Variants in EXOC4 observed in about 807,000 individuals in gnomAD.
The protein encoded by EXOC4 is exocyst complex component 4.
Under a neutral mutation model 107.2 loss-of-function variants are expected in EXOC4, and 71 were observed. The observed-to-expected ratio is 0.66, with a 90% confidence interval of 0.55 to 0.81. The LOEUF is 0.81. Ranked by LOEUF, EXOC4 falls within the 30% of genes least tolerant of loss-of-function variation. EXOC4 has a pLI of 0.00. For missense variants in EXOC4, 1,108 were observed against 1,189.6 expected (o/e 0.93, Z 1.01); for synonymous variants, 456 against 441.2 (o/e 1.03, Z -0.42).
intron 10 of EXOC4, among the ~76,000 whole-genome samples, chr7:133,677,850 G>A (rs542075017): frequency 6.6e-6 from 1 of 151,886 alleles, no homozygotes; most frequent in South Asian, 2.1e-4. Context: ...ATTTTAATTG[G>A]TTATTATTGG....
intron 10 of EXOC4, chr7:133,733,081 C>T (rs761854041): frequency 3.1e-5 from 6 of 193,972 alleles, no homozygotes; most frequent in African/African-American, 9.4e-5. Flanking sequence ...ACTTCAAACA[C>T]GCAAACCCTT....
intron 11 of EXOC4, among the ~76,000 whole-genome samples, chr7:133,857,860 G>A (rs562919298): frequency 2.8e-4 from 43 of 152,090 alleles, no homozygotes; most frequent in Non-Finnish European, 4.3e-4. Context: ...ACAGCTCGGC[G>A]GATCGGGCGT....
chr7:133,272,789 C>T (rs142712203), intron 1 of EXOC4, among the ~76,000 whole-genome samples: 468 of 152,202 alleles, frequency 3.1e-3, no homozygotes, highest in African/African-American at 0.011. Flanking sequence ...GCCCAATTTC[C>T]TCTCTAATCT....
intron 10 of EXOC4, among the ~76,000 whole-genome samples, chr7:133,816,881 G>A (rs553590854): frequency 3.3e-5 from 5 of 152,216 alleles, no homozygotes; most frequent in East Asian, 1.9e-4. Flanking sequence ...CCTGCTGTGC[G>A]GTCTGGTTCC....
chr7:134,034,990 A>G (rs567965515), intron 17 of EXOC4, among the ~76,000 whole-genome samples: 43 of 151,316 alleles, frequency 2.8e-4, no homozygotes, highest in African/African-American at 8.7e-4. Flanking sequence ...AGACAGAAAT[A>G]TGGTTTGGGG....
the EXOC4 span, among the ~76,000 whole-genome samples, chr7:134,071,625 T>C: frequency 6.6e-6 from 1 of 152,218 alleles, no homozygotes; most frequent in Admixed American, 6.5e-5. Context: ...TTCTTGGGTG[T>C]ATGCCCTTCT....
At chr7:133,269,910 A>G (rs1013474008) in intron 1 of EXOC4, among the ~76,000 whole-genome samples, 2 of 152,082 alleles carry the variant, frequency 1.3e-5, no homozygotes, top group Non-Finnish European at 2.9e-5. Flanking sequence ...AAAAAACTCC[A>G]TCTCTTTATC....
intron 10 of EXOC4, among the ~76,000 whole-genome samples, chr7:133,631,984 C>T (rs1027941233): frequency 2.4e-4 from 36 of 152,010 alleles, no homozygotes; most frequent in Non-Finnish European, 4.7e-4. Context: ...AACTATTAAC[C>T]GTGTTGTCAG....
intron 7 of EXOC4, among the ~76,000 whole-genome samples, chr7:133,432,448 G>T (rs1274227868): frequency 1.3e-5 from 2 of 152,088 alleles, no homozygotes; most frequent in Admixed American, 6.5e-5. Context: ...TGAACCTGGG[G>T]TTCATTGGAC....
chr7:133,692,312 T>A (rs1210322192), intron 10 of EXOC4, among the ~76,000 whole-genome samples: 1 of 151,896 alleles, frequency 6.6e-6, no homozygotes, highest in Non-Finnish European at 1.5e-5. Context: ...TAAAAAAAAA[T>A]AGTTTTTACT....
intron 9 of EXOC4, chr7:133,481,206 T>C (rs1799148838): frequency 6.6e-6 from 1 of 151,846 alleles, no homozygotes; most frequent in African/African-American, 2.4e-5. Flanking sequence ...TGTGTGTGCA[T>C]ATATACATAC....
chr7:134,039,286 A>C (rs1210833954), intron 17 of EXOC4, among the ~76,000 whole-genome samples: 3 of 152,146 alleles, frequency 2.0e-5, no homozygotes, highest in Non-Finnish European at 4.4e-5. Flanking sequence ...GGGAGTGCAT[A>C]ATAAACCTTG....
chr7:133,347,539 G>A (rs1055608140), intron 5 of EXOC4, among the ~76,000 whole-genome samples: 7 of 152,172 alleles, frequency 4.6e-5, no homozygotes, highest in Non-Finnish European at 1.0e-4. Context: ...ACCACACCCA[G>A]CCTGTAAACT....
intron 1 of EXOC4, among the ~76,000 whole-genome samples, chr7:133,259,523 G>T (rs976546102): frequency 6.6e-6 from 1 of 151,780 alleles, no homozygotes; most frequent in Non-Finnish European, 1.5e-5. Context: ...CACCGTCCCC[G>T]GCCCACTTGT....
chr7:133,561,450 G>A (rs1317712607), intron 9 of EXOC4, among the ~76,000 whole-genome samples: 1 of 151,944 alleles, frequency 6.6e-6, no homozygotes, highest in Non-Finnish European at 1.5e-5. Context: ...TATTTGCCTG[G>A]CACTTATACA....
chr7:133,681,566 T>C (rs1464666325), intron 10 of EXOC4, among the ~76,000 whole-genome samples: 1 of 152,186 alleles, frequency 6.6e-6, no homozygotes, highest in Non-Finnish European at 1.5e-5. Flanking sequence ...TCAGTCTTCC[T>C]ACCATAGTTT....
At chr7:134,065,793 T>A (rs1470911714), downstream of EXOC4, 1 of 152,216 alleles carries the variant, frequency 6.6e-6, no homozygotes, top group African/African-American at 2.4e-5. Context: ...TGTTCTTTAT[T>A]CAGCAAATAT....
chr7:133,717,030 A>G (rs1795011842), intron 10 of EXOC4, among the ~76,000 whole-genome samples: 1 of 152,242 alleles, frequency 6.6e-6, no homozygotes, highest in African/African-American at 2.4e-5. Flanking sequence ...GAGCTCAACT[A>G]TAAATTAAGA....
chr7:133,632,000 A>G lies in EXOC4; in HGVS notation c.1514+1859A>G, dbSNP rs76948699. On this transcript the variant is annotated intron_variant, in intron 10 of 17. Coordinates refer to ENST00000253861, the MANE Select transcript of EXOC4 (RefSeq NM_021807.4). ...ACTATTAACCGTGTTGTCAGTAACC[A>G]CTTTTCAAGAGATTTTTCCTCTAAG... Among the ~76,000 whole-genome samples, 394 of 152,222 alleles carry G rather than the reference A, an allele frequency of 2.6e-3. 1 individual carries two copies. The highest frequency in any genetic ancestry group is 9.2e-3 in the African/African-American group (381 of 41,574).
Sources: allele counts gnomAD v4.1 joint callset (sites outside exome capture counted in the v4.1 genomes callset), GRCh38; gene constraint gnomAD v4.1.1; transcripts MANE v1.5; gene names NCBI Gene and HGNC (gene_info 2026-07-23, HGNC 2026-07-21).